TAF1: variants seen among roughly 807,000 people sequenced by gnomAD.
TAF1 encodes transcription initiation factor TFIID subunit 1.
TAF1 carries 2 observed loss-of-function variants against 138.5 expected under a neutral mutation model. The observed-to-expected ratio is 0.01, with a 90% CI of 0.01 to 0.05. The LOEUF (loss-of-function observed/expected upper bound fraction) is 0.05. Among genes scored for constraint, TAF1 ranks in the 10% least tolerant of loss-of-function variants. The pLI is 1.00. For synonymous variants in TAF1, 437 were observed against 503.2 expected, an observed-to-expected ratio of 0.87 and a Z score of 1.76; for missense variants, 709 against 1,478.0, an observed-to-expected ratio of 0.48 and a Z score of 8.53.
At chrX:71,404,840 C>G (rs2035371867) in intron 25 of TAF1, among the ~76,000 whole-genome samples, 1 of 110,028 alleles carries the variant, frequency 9.1e-6, no homozygotes, top group African/African-American at 3.3e-5. Flanking sequence ...TTCAGAATTA[C>G]TATAATAATA....
chrX:71,413,659 C>T (rs945132927), intron 28 of TAF1, among the ~76,000 whole-genome samples: 1 of 111,299 alleles, frequency 9.0e-6, no homozygotes, highest in African/African-American at 3.3e-5. Context: ...GGCTCCATAC[C>T]TGTGCTTCTA....
intron 13 of TAF1, among the ~76,000 whole-genome samples, chrX:71,513,907 A>G (rs1400551350): frequency 9.0e-6 from 1 of 110,936 alleles, no homozygotes; most frequent in Non-Finnish European, 1.9e-5. Flanking sequence ...AGGATTGTAA[A>G]TGCACCAACC....
intron 13 of TAF1, among the ~76,000 whole-genome samples, chrX:71,526,702 C>T (rs755519691): frequency 1.8e-5 from 2 of 111,109 alleles, no homozygotes; most frequent in East Asian, 5.6e-4. Context: ...TATGTAAATT[C>T]TGTGTTTTAT....
chrX:71,472,301 A>C (rs2038904557), intron 13 of TAF1, among the ~76,000 whole-genome samples: 3 of 112,531 alleles, frequency 2.7e-5, no homozygotes, highest in South Asian at 7.3e-4. Flanking sequence ...CCCTATTATT[A>C]GTTTGTTCTA....
Position 71,387,350 on chromosome X carries a change from C to T in TAF1, c.2316C>T (p.Tyr772=). 11 of 1,211,987 alleles carry T rather than the reference C, an allele frequency of 9.1e-6. No homozygotes were observed. The highest frequency in any genetic ancestry group is 1.7e-5 in the African/African-American group (1 of 57,841). ...DFLIIRTRQG[Y]YIRELVDIFV... ...TGATCATTCGGACAAGACAGGGTTA[C>T]TATATTCGGGAATTAGTGGATATTT... Residue 772 remains tyrosine (Y), a synonymous_variant, in exon 15 of 38, where the codon TAC becomes TAT. Coordinates refer to ENST00000423759, the MANE Select transcript of TAF1 (RefSeq NM_004606.5).
intron 32 of TAF1, among the ~76,000 whole-genome samples, chrX:71,444,404 C>CTTACTTTT (rs1310124371): frequency 9.0e-6 from 1 of 111,509 alleles, no homozygotes; most frequent in Non-Finnish European, 1.9e-5. Flanking sequence ...CAGTCTGTGC[C>CTTACTTTT]TTACTTTTTC....
intron 12 of TAF1, among the ~76,000 whole-genome samples, 157 bp from the exon 13 acceptor site, chrX:71,383,805 A>G (rs141743716): frequency 9.8e-5 from 11 of 112,322 alleles, no homozygotes; most frequent in African/African-American, 3.6e-4. Context: ...GGCCGACTGT[A>G]CTATTCTTTG....
intron 37 of TAF1, among the ~76,000 whole-genome samples, chrX:71,463,575 A>G (rs2038641567): frequency 8.9e-6 from 1 of 112,103 alleles, no homozygotes; most frequent in Non-Finnish European, 1.9e-5. Flanking sequence ...ATGGTCATGT[A>G]AGATGGCAGT....
chrX:71,437,651 A>G lies in TAF1; in HGVS notation c.4753+13413A>G, dbSNP rs762467285. The stretch of plus-strand genomic sequence containing the variant: ...GCGACAGAATGAGACTCTGTCTCCA[A>G]AAAAAAAAAAAAGAAAAAGAGAAAT... On this transcript the variant is annotated intron_variant, in intron 32 of 37. Coordinates refer to ENST00000423759, the MANE Select transcript of TAF1 (RefSeq NM_004606.5). 5.8e-5 allele frequency among the ~76,000 whole-genome samples: 6 copies of G among 102,723 alleles called. No homozygotes were observed. The South Asian group carries it at 1.7e-3, about 29-fold the overall frequency. 89.2% of individuals were successfully genotyped at this position (102,723 alleles called of 115,157 possible). A position where few individuals can be genotyped will look rare whatever the true frequency, so the allele number is the denominator to read the frequency against.
intron 13 of TAF1, among the ~76,000 whole-genome samples, chrX:71,523,893 T>C (rs1444507045): frequency 9.0e-6 from 1 of 111,719 alleles, no homozygotes; most frequent in African/African-American, 3.3e-5. Flanking sequence ...CATCCTAATA[T>C]AGATGCACAG....
At chrX:71,388,661 TC>T in intron 16 of TAF1, 76 bp from the exon 17 acceptor site, 2 of 1,179,272 alleles carry the variant, frequency 1.7e-6, no homozygotes, top group Non-Finnish European at 2.3e-6. Flanking sequence ...TGGTTTGCTG[TC>T]CCTGTTGCTG....
At chrX:71,373,954 G>A (rs1048114026) in intron 3 of TAF1, among the ~76,000 whole-genome samples, 1 of 111,356 alleles carries the variant, frequency 9.0e-6, no homozygotes, top group Middle Eastern at 4.2e-3. Context: ...CCAAAGTGCT[G>A]GGATTACAGG....
In TAF1 at chrX:71,384,926, T is replaced by A; in HGVS notation, c.2122-19T>A. The A allele has an allele frequency of 8.9e-7, 1 of 1,128,088 alleles. No individual in the cohort carries two copies. Among genetic ancestry groups the A allele is most frequent in the East Asian group, 3.0e-5 (1 of 33,424 alleles). 93.0% of individuals were successfully genotyped at this position (1,128,088 alleles called of 1,213,427 possible). A position where few individuals can be genotyped will look rare whatever the true frequency, so the allele number is the denominator to read the frequency against. On this transcript the variant is annotated intron_variant, in intron 13 of 37. Coordinates refer to ENST00000423759, the MANE Select transcript of TAF1 (RefSeq NM_004606.5). Reference sequence around the variant, plus strand: ...TATTGATATATTCTAAATAACTGGGTCTTCTGTGTTCCTTATAGAAACCTG... The same window carrying A: ...TATTGATATATTCTAAATAACTGGGACTTCTGTGTTCCTTATAGAAACCTG...
At chrX:71,382,057 T>C (rs1334695781) in intron 9 of TAF1, 138 bp downstream of exon 9, 1 of 700,474 alleles carries the variant, frequency 1.4e-6, no homozygotes, top group Non-Finnish European at 1.9e-6. Context: ...AGCGAAGTTT[T>C]GGCTGTTAGT....
intron 32 of TAF1, among the ~76,000 whole-genome samples, chrX:71,440,453 A>C (rs746468731): frequency 9.0e-6 from 1 of 111,061 alleles, no homozygotes; most frequent in Non-Finnish European, 1.9e-5. Context: ...ATAAATGCCC[A>C]AGAATAGAAT....
chrX:71,441,229 GT>G (rs1006089602), intron 32 of TAF1, among the ~76,000 whole-genome samples: 2 of 105,775 alleles, frequency 1.9e-5, no homozygotes, highest in South Asian at 4.0e-4. Flanking sequence ...CTTTGGCCCA[GT>G]TTTTTTTTTA....
At chrX:71,459,300 T>C in intron 35 of TAF1, 1 of 1,113,258 alleles carries the variant, frequency 9.0e-7, no homozygotes, top group Non-Finnish European at 1.2e-6. Flanking sequence ...CCTTATATGA[T>C]AGGAGCCCCA....
intron 32 of TAF1, among the ~76,000 whole-genome samples, chrX:71,449,884 C>T (rs1486476569): frequency 9.0e-6 from 1 of 110,898 alleles, no homozygotes; most frequent in Non-Finnish European, 1.9e-5. Context: ...CCGATCCCCT[C>T]GCCTCAGTCT....
At chrX:71,389,006 TA>T in intron 17 of TAF1, 138 bp downstream of exon 17, 1 of 734,861 alleles carries the variant, frequency 1.4e-6, no homozygotes, top group Middle Eastern at 3.1e-4. Flanking sequence ...TACCAATTAC[TA>T]AAAAGTTCAA....
Sources: gnomAD v4.1 joint callset for allele counts (sites outside exome capture counted in the v4.1 genomes callset) on GRCh38, gnomAD v4.1.1 for gene constraint, MANE v1.5 for transcripts, NCBI Gene and HGNC (gene_info 2026-07-23, HGNC 2026-07-21) for gene names.